Variants in GOLGA7B observed in about 807,000 individuals in gnomAD.
The protein encoded by GOLGA7B is golgin subfamily A member 7B.
GOLGA7B carries 17 observed loss-of-function variants against 21.5 expected under a neutral mutation model. The ratio of observed to expected loss-of-function variants is 0.79; its 90% CI spans 0.54 to 1.19. The LOEUF (loss-of-function observed/expected upper bound fraction) is 1.19, where lower values mean the gene tolerates loss of function less well. Among genes scored for constraint, GOLGA7B ranks in the 50% most tolerant of loss-of-function variants. The probability of loss-of-function intolerance (pLI) is 0.00; values close to 1 mark genes in which losing one functional copy is unlikely to be tolerated. For missense variants in GOLGA7B, 169 were observed against 224.4 expected (o/e 0.75, Z 1.58); for synonymous variants, 87 against 84.0 (o/e 1.04, Z -0.19).
At position 97,869,160 on chromosome 10, in the gene GOLGA7B, G is replaced by A. The variant is rs1418989096; in HGVS notation, c.*3460G>A. The A allele has an allele frequency of 6.6e-6, 1 of 152,284 alleles. No homozygotes were observed. The highest frequency in any genetic ancestry group is 1.5e-5 in the Non-Finnish European group (1 of 68,076). The allele number at this position is 152,284 out of a possible 1,614,324, so 9.4% of individuals were successfully genotyped here. A position where few individuals can be genotyped will look rare whatever the true frequency, so the allele number is the denominator to read the frequency against. On this transcript the variant is annotated 3_prime_UTR_variant, in exon 5 of 5. Coordinates refer to ENST00000370602, the MANE Select transcript of GOLGA7B (RefSeq NM_001010917.3). The stretch of plus-strand genomic sequence containing the variant: ...GATTAGGATCAGGCAGATTCCCAGG[G>A]AAGGACTTGGAGCCATGCCTGGGTT...
chr10:97,850,408 T>TG (rs2049897881), intron 1 of GOLGA7B, 93 bp downstream of exon 1: 1 of 864,638 alleles, frequency 1.2e-6, no homozygotes, highest in Non-Finnish European at 1.7e-6. Context: ...AGGCGGGAGT[T>TG]GGGGGTGGGA....
At chr10:97,858,592 C>T (rs2049950838) in intron 1 of GOLGA7B, among the ~76,000 whole-genome samples, 1 of 152,244 alleles carries the variant, frequency 6.6e-6, no homozygotes, top group Non-Finnish European at 1.5e-5. Flanking sequence ...GTGAAGTCCA[C>T]AGATGTGCAC....
chr10:97,865,839 G>A lies in GOLGA7B; in HGVS notation c.*139G>A, dbSNP rs957304796. 4 of 1,250,922 alleles carry A rather than the reference G, an allele frequency of 3.2e-6. No individual in the cohort carries two copies. Among genetic ancestry groups the A allele is most frequent in the Non-Finnish European group, 4.3e-6 (4 of 930,248 alleles). The allele number at this position is 1,250,922 out of a possible 1,614,324, so 77.5% of individuals were successfully genotyped here. Reference sequence around the variant, plus strand: ...TGCCCGGGGTGGGAGGGAGGGTGACGGGCCTCATATTTCCTGTGGGCCATC... The same window carrying A: ...TGCCCGGGGTGGGAGGGAGGGTGACAGGCCTCATATTTCCTGTGGGCCATC... On this transcript the variant is annotated 3_prime_UTR_variant, in exon 5 of 5. Transcript: ENST00000370602.
At chr10:97,860,660 T>G (rs2049965795) in intron 2 of GOLGA7B, among the ~76,000 whole-genome samples, 1 of 152,226 alleles carries the variant, frequency 6.6e-6, no homozygotes, top group South Asian at 2.1e-4. Context: ...GCCCAAATAC[T>G]AGGTCTTAAG....
intron 2 of GOLGA7B, among the ~76,000 whole-genome samples, chr10:97,861,368 C>G (rs746368009): frequency 6.6e-6 from 1 of 152,226 alleles, no homozygotes; most frequent in Admixed American, 6.5e-5. Context: ...ATCACAGTCT[C>G]GCAGGGAAAG....
In GOLGA7B at chr10:97,850,333, AC is replaced by A; in HGVS notation, c.12+21del. On this transcript the variant is annotated intron_variant, in intron 1 of 4. Coordinates refer to ENST00000370602, the MANE Select transcript of GOLGA7B (RefSeq NM_001010917.3). ...CCACCGAGGTAGGGGCGAGCGCCCC[AC>A]CCGCAGGCAGTGCCCGATTGCCGCG... 6.6e-7 allele frequency: 1 copy of A among 1,511,102 alleles called. No individual in the cohort carries two copies. The highest frequency in any genetic ancestry group is 8.8e-7 in the Non-Finnish European group (1 of 1,130,110). 93.6% of individuals were successfully genotyped at this position (1,511,102 alleles called of 1,614,324 possible).
At chr10:97,862,860 G>A (rs2049979447) in intron 2 of GOLGA7B, among the ~76,000 whole-genome samples, 2 of 152,162 alleles carry the variant, frequency 1.3e-5, no homozygotes, top group Non-Finnish European at 2.9e-5. Flanking sequence ...AGACCCAAGG[G>A]TGTTAAGGGT....
At chr10:97,860,704 C>T (rs1331557104) in intron 2 of GOLGA7B, among the ~76,000 whole-genome samples, 1 of 152,206 alleles carries the variant, frequency 6.6e-6, no homozygotes, top group Non-Finnish European at 1.5e-5. Flanking sequence ...CCAGGTGAAT[C>T]AGAATCAAGT....
chr10:97,862,269 ATAAAAAAC>A (rs2049975955), intron 2 of GOLGA7B, among the ~76,000 whole-genome samples: 1 of 152,202 alleles, frequency 6.6e-6, no homozygotes, highest in Non-Finnish European at 1.5e-5. Flanking sequence ...GGTGTAGAAA[ATAAAAAAC>A]CAAGCAAATA....
intron 2 of GOLGA7B, 21 bp from the exon 3 acceptor site, chr10:97,863,909 T>C (rs765640696): frequency 1.2e-6 from 2 of 1,600,668 alleles, no homozygotes; most frequent in Admixed American, 3.4e-5. Flanking sequence ...AACCGCAGCC[T>C]GGCTCTGTCC....
In GOLGA7B at chr10:97,866,190, C is replaced by G; in HGVS notation, c.*490C>G. On this transcript the variant is annotated 3_prime_UTR_variant, in exon 5 of 5. Transcript: ENST00000370602. ...GTTCCTTCTCATGCCCCTGCAGGGC[C>G]CCGGCCTGTCTATGATCCTGCCTCC... 1 of 157,092 alleles carries G rather than the reference C, an allele frequency of 6.4e-6. No individual in the cohort carries two copies. Among genetic ancestry groups the G allele is most frequent in the Non-Finnish European group, 1.4e-5 (1 of 71,024 alleles). The allele number at this position is 157,092 out of a possible 1,614,324, so 9.7% of individuals were successfully genotyped here. A position where few individuals can be genotyped will look rare whatever the true frequency, so the allele number is the denominator to read the frequency against.
rs2136525114 is a variant in GOLGA7B at position 97,868,679 on chromosome 10, T to C, written c.*2979T>C. Reference sequence around the variant, plus strand: ...TTCTCTAATATGAGGGCAGGTTCATTCTGTTTTGGGATAGGAAGTTTGTTC... The same window carrying C: ...TTCTCTAATATGAGGGCAGGTTCATCCTGTTTTGGGATAGGAAGTTTGTTC... On this transcript the variant is annotated 3_prime_UTR_variant, in exon 5 of 5. Coordinates refer to ENST00000370602, the MANE Select transcript of GOLGA7B (RefSeq NM_001010917.3). 1 of 152,296 alleles carries C rather than the reference T, an allele frequency of 6.6e-6. No homozygotes were observed. The highest frequency in any genetic ancestry group is 6.5e-5 in the Admixed American group (1 of 15,304). 9.4% of individuals were successfully genotyped at this position (152,296 alleles called of 1,614,324 possible).
intron 2 of GOLGA7B, among the ~76,000 whole-genome samples, chr10:97,859,806 T>A (rs2049959548): frequency 6.6e-6 from 1 of 152,226 alleles, no homozygotes; most frequent in South Asian, 2.1e-4. Context: ...CTCAGGGATT[T>A]TCTGGTCTGG....
At chr10:97,865,177 T>G in intron 4 of GOLGA7B, 1 of 192,232 alleles carries the variant, frequency 5.2e-6, no homozygotes, top group Non-Finnish European at 1.1e-5. Context: ...GTTAAGTGAC[T>G]GGTGTAAGGT....
In GOLGA7B at chr10:97,869,283, G is replaced by T. The variant is rs557839456; in HGVS notation, c.*3583G>T. 6.6e-6 allele frequency: 1 copy of T among 152,608 alleles called. No homozygotes were observed. The highest frequency in any genetic ancestry group is 1.5e-5 in the Non-Finnish European group (1 of 68,382). 9.5% of individuals were successfully genotyped at this position (152,608 alleles called of 1,614,324 possible). ...GGACCCAGAGGCAGCCCGGTGAAGGGTAGTGGGGGACTCGACTCACTGTGG... is the reference window on the plus strand; with the variant it reads ...GGACCCAGAGGCAGCCCGGTGAAGGTTAGTGGGGGACTCGACTCACTGTGG... On this transcript the variant is annotated 3_prime_UTR_variant, in exon 5 of 5. Transcript: ENST00000370602.
chr10:97,854,359 TCAGTGGGC>T (rs139626704), intron 1 of GOLGA7B, among the ~76,000 whole-genome samples: 4,922 of 152,274 alleles, frequency 0.032, 198 homozygotes, highest in African/African-American at 0.1. Flanking sequence ...TGCCCCCAGG[TCAGTGGGC>T]CATCTTTCCA....
intron 1 of GOLGA7B, among the ~76,000 whole-genome samples, chr10:97,852,648 A>G (rs902079157): frequency 1.3e-5 from 2 of 151,182 alleles, no homozygotes; most frequent in African/African-American, 2.4e-5. Flanking sequence ...AGGATTCTCA[A>G]TAGGAACTCC....
intron 1 of GOLGA7B, among the ~76,000 whole-genome samples, chr10:97,850,596 T>C (rs969777760): frequency 6.6e-6 from 1 of 152,194 alleles, no homozygotes; most frequent in Non-Finnish European, 1.5e-5. Flanking sequence ...TCCCCTTCCC[T>C]GGACTTCACA....
rs74153110 is a variant in GOLGA7B, at chr10:97,870,450, G to C, written c.*4750G>C. On this transcript the variant is annotated 3_prime_UTR_variant, in exon 5 of 5. Coordinates refer to ENST00000370602, the MANE Select transcript of GOLGA7B (RefSeq NM_001010917.3). ...GGATCAAGATTACCCTGGGTCGGGG[G>C]TAGCGAATGGATGGGGACCTGGGGG... The C allele has an allele frequency of 6.6e-6, 1 of 152,072 alleles. No individual in the cohort carries two copies. Among genetic ancestry groups the C allele is most frequent in the African/African-American group, 2.4e-5 (1 of 41,354 alleles). The allele number at this position is 152,072 out of a possible 1,614,324, so 9.4% of individuals were successfully genotyped here.
Sources: allele counts gnomAD v4.1 joint callset (sites outside exome capture counted in the v4.1 genomes callset), GRCh38; gene constraint gnomAD v4.1.1; transcripts MANE v1.5; gene names NCBI Gene and HGNC (gene_info 2026-07-23, HGNC 2026-07-21).